The following KIAA1217 variants were observed in gnomAD, a reference collection of about 807,000 sequenced individuals.
KIAA1217 encodes KIAA1217.
Under a neutral mutation model 163.9 loss-of-function variants are expected in KIAA1217, and 88 were observed. The ratio of observed to expected loss-of-function variants is 0.54; its 90% confidence interval spans 0.45 to 0.64. The LOEUF (loss-of-function observed/expected upper bound fraction) is 0.64, where lower values mean the gene tolerates loss of function less well. Ranked by LOEUF, KIAA1217 falls within the 30% of genes least tolerant of loss-of-function variation. KIAA1217 has a pLI of 0.00. For missense variants in KIAA1217, 2,372 were observed against 2,475.0 expected, an observed-to-expected ratio of 0.96 and a Z score of 0.88; for synonymous variants, 903 against 923.1, an observed-to-expected ratio of 0.98 and a Z score of 0.39.
intron 2 of KIAA1217, among the ~76,000 whole-genome samples, chr10:24,295,475 A>C (rs981611359): frequency 2.6e-5 from 4 of 152,104 alleles, no homozygotes; most frequent in Non-Finnish European, 5.9e-5. Flanking sequence ...GAGCCCCTTC[A>C]CTGGTCTTTC....
chr10:24,253,217 T>C (rs1332688883), intron 2 of KIAA1217, among the ~76,000 whole-genome samples: 1 of 152,168 alleles, frequency 6.6e-6, no homozygotes, highest in African/African-American at 2.4e-5. Flanking sequence ...AATATAGTGC[T>C]GAGGGTTTTA....
Position 24,111,845 on chromosome 10 carries a change from G to A in KIAA1217, c.-171+104471G>A, listed in dbSNP as rs529633417. Among the ~76,000 whole-genome samples the A allele has an allele frequency of 2.6e-5, 4 of 152,288 alleles. No homozygotes were observed. The East Asian group carries it at 7.7e-4, about 29-fold the overall frequency. On this transcript the variant is annotated intron_variant, in intron 2 of 18. Transcript: ENST00000376462. ...TGCAGTGGTGTGAACACAGTTCACT[G>A]CAGCCTCGACCTCCTGGACTTAAAA...
At chr10:23,874,097 G>A (rs1840579594) in intron 1 of KIAA1217, among the ~76,000 whole-genome samples, 1 of 151,950 alleles carries the variant, frequency 6.6e-6, no homozygotes, top group African/African-American at 2.4e-5. Context: ...ACCCAAACCT[G>A]GATTCTGTTT....
intron 2 of KIAA1217, among the ~76,000 whole-genome samples, chr10:24,153,729 AG>A (rs2064734858): frequency 6.6e-6 from 1 of 152,218 alleles, no homozygotes; most frequent in African/African-American, 2.4e-5. Flanking sequence ...CTTTGGAAGC[AG>A]TTAACCCATG....
intron 1 of KIAA1217, among the ~76,000 whole-genome samples, chr10:23,936,310 G>C (rs1413132340): frequency 6.6e-6 from 1 of 151,946 alleles, no homozygotes; most frequent in Non-Finnish European, 1.5e-5. Flanking sequence ...GTGTAGAATT[G>C]AGGGTCAAAG....
In KIAA1217 at chr10:24,220,446, C is replaced by CTTT. The variant is rs530992369; in HGVS notation, c.354+561_354+563dup. Among the ~76,000 whole-genome samples the CTTT allele has an allele frequency of 1.3e-3, 130 of 103,086 alleles. 19 individuals carry two copies. Among genetic ancestry groups the CTTT allele is most frequent in the African/African-American group, 5.2e-3 (104 of 20,044 alleles). The allele number at this position is 103,086 out of a possible 152,430, so 67.6% of individuals were successfully genotyped here. A position where few individuals can be genotyped will look rare whatever the true frequency, so the allele number is the denominator to read the frequency against. On this transcript the variant is annotated intron_variant, in intron 2 of 20. Coordinates refer to ENST00000376454, the MANE Select transcript of KIAA1217 (RefSeq NM_019590.5). Reference sequence around the variant, plus strand: ...ACATTAGGGTTTTGTTTCTGCTCTTCTTTTTTTTTTTTTTTTTTTTTTTTT... The same window carrying CTTT: ...ACATTAGGGTTTTGTTTCTGCTCTTCTTTTTTTTTTTTTTTTTTTTTTTTTTTT...
intron 3 of KIAA1217, among the ~76,000 whole-genome samples, chr10:24,428,176 C>T (rs2059321136): frequency 6.6e-6 from 1 of 152,172 alleles, no homozygotes; most frequent in Admixed American, 6.5e-5. Context: ...TGTAGGGACG[C>T]CATTGGTGGC....
intron 2 of KIAA1217, among the ~76,000 whole-genome samples, chr10:24,057,678 C>G (rs548789540): frequency 6.6e-5 from 10 of 152,216 alleles, no homozygotes; most frequent in African/African-American, 1.9e-4. Context: ...TTTAATATAC[C>G]TACTGGATAT....
chr10:24,073,534 C>G (rs2061263414), intron 2 of KIAA1217, among the ~76,000 whole-genome samples: 1 of 152,120 alleles, frequency 6.6e-6, no homozygotes, highest in African/African-American at 2.4e-5. Context: ...ATAAAATCAT[C>G]CAGAAAACAT....
At chr10:23,750,388 C>T (rs1316683637) in intron 1 of KIAA1217, among the ~76,000 whole-genome samples, 1 of 152,166 alleles carries the variant, frequency 6.6e-6, no homozygotes, top group Non-Finnish European at 1.5e-5. Flanking sequence ...CCTAAGAATT[C>T]AAGAATCTGC....
intron 2 of KIAA1217, among the ~76,000 whole-genome samples, chr10:24,277,900 G>T (rs777818781): frequency 6.6e-6 from 1 of 152,220 alleles, no homozygotes; most frequent in African/African-American, 2.4e-5. Context: ...TGGCAGCACT[G>T]CCAGCAATCA....
chr10:24,107,151 C>CT (rs1243743027), intron 2 of KIAA1217, among the ~76,000 whole-genome samples: 2 of 152,206 alleles, frequency 1.3e-5, no homozygotes, highest in Non-Finnish European at 2.9e-5. Flanking sequence ...TTTTCTGTTG[C>CT]TGCGTTAATT....
chr10:24,367,858 A>G (rs2051003875), intron 2 of KIAA1217, among the ~76,000 whole-genome samples: 1 of 152,232 alleles, frequency 6.6e-6, no homozygotes, highest in Non-Finnish European at 1.5e-5. Context: ...GGCACAGAGA[A>G]GTTAAGTAAC....
intron 1 of KIAA1217, among the ~76,000 whole-genome samples, chr10:23,913,294 G>T (rs1260434436): frequency 6.6e-6 from 1 of 152,114 alleles, no homozygotes; most frequent in African/African-American, 2.4e-5. Context: ...CAATCCCAGA[G>T]CACAGACAGC....
At chr10:23,999,445 C>T (rs574760075) in intron 1 of KIAA1217, among the ~76,000 whole-genome samples, 9 of 152,294 alleles carry the variant, frequency 5.9e-5, no homozygotes, top group Admixed American at 2.0e-4. Context: ...ACAAGCCACT[C>T]TCACACTGCT....
At chr10:23,898,324 C>CA (rs953159926) in intron 1 of KIAA1217, among the ~76,000 whole-genome samples, 3 of 146,128 alleles carry the variant, frequency 2.1e-5, no homozygotes, top group African/African-American at 7.5e-5. Context: ...CACACACACA[C>CA]ACATATATAT....
Position 24,326,727 on chromosome 10 carries a change from G to C in KIAA1217, c.355-54142G>C, listed in dbSNP as rs532678029. Reference sequence around the variant, plus strand: ...TCCACAAAAGGTTTGTGGCATTCTTGTTTTTCCAGTGAAAAATGGAACTTT... The same window carrying C: ...TCCACAAAAGGTTTGTGGCATTCTTCTTTTTCCAGTGAAAAATGGAACTTT... On this transcript the variant is annotated intron_variant, in intron 2 of 20. Transcript: ENST00000376454. Among the ~76,000 whole-genome samples, 33 of 151,824 alleles carry C rather than the reference G, an allele frequency of 2.2e-4. 2 individuals are homozygous for C. The South Asian group carries it at 6.7e-3, about 31-fold the overall frequency.
chr10:24,353,742 C>G (rs2048742266), intron 2 of KIAA1217, among the ~76,000 whole-genome samples: 1 of 152,116 alleles, frequency 6.6e-6, no homozygotes, highest in Non-Finnish European at 1.5e-5. Flanking sequence ...TTAGCAAAGT[C>G]TTTTTAGAGT....
chr10:23,801,014 A>G (rs1316484841), intron 1 of KIAA1217, among the ~76,000 whole-genome samples: 2 of 152,188 alleles, frequency 1.3e-5, no homozygotes, highest in South Asian at 2.1e-4. Context: ...TACTATAAAG[A>G]CACATGTACA....
Sources: allele counts gnomAD v4.1 joint callset (sites outside exome capture counted in the v4.1 genomes callset), GRCh38; gene constraint gnomAD v4.1.1; transcripts MANE v1.5; gene names NCBI Gene and HGNC (gene_info 2026-07-23, HGNC 2026-07-21).